Variants in STAC2 observed in about 807,000 individuals in gnomAD.
STAC2 encodes SH3 and cysteine rich domain 2, also known as SH3 and cysteine-rich domain-containing protein 2.
STAC2 carries 36 observed loss-of-function variants against 49.0 expected under a neutral mutation model. The observed-to-expected ratio is 0.74, with a 90% CI of 0.56 to 0.97. The LOEUF (loss-of-function observed/expected upper bound fraction) is 0.97, where lower values mean the gene tolerates loss of function less well. STAC2 is among the 50% of genes least tolerant of loss of function. The probability of loss-of-function intolerance (pLI) is 0.00; values close to 1 mark genes in which losing one functional copy is unlikely to be tolerated. For synonymous variants in STAC2, 239 were observed against 214.7 expected, an observed-to-expected ratio of 1.11 and a Z score of -0.99; for missense variants, 527 against 543.8, an observed-to-expected ratio of 0.97 and a Z score of 0.31.
chr17:39,214,532 C>T (rs576660952), intron 7 of STAC2: 2 of 896,996 alleles, frequency 2.2e-6, no homozygotes, highest in South Asian at 5.1e-5. Flanking sequence ...AGGGGAGCCC[C>T]CTTCTGCCTG....
At chr17:39,215,564 C>G (rs546194521) in intron 4 of STAC2, among the ~76,000 whole-genome samples, 1 of 152,358 alleles carries the variant, frequency 6.6e-6, no homozygotes, top group South Asian at 2.1e-4. Flanking sequence ...GGCCTTTCAA[C>G]TGGTCTCCCT....
rs745976868 is a variant in STAC2 at position 39,218,171 on chromosome 17, G to A, written c.93C>T (p.Leu31=). 6.2e-7 allele frequency: 1 copy of A among 1,613,210 alleles called. No individual in the cohort carries two copies. Among genetic ancestry groups the A allele is most frequent in the Non-Finnish European group, 8.5e-7 (1 of 1,180,018 alleles). Residue 31 remains leucine (L), a splice_region_variant and synonymous_variant, in exon 2 of 11, where the codon CTC becomes CTT. Transcript: ENST00000333461. ...GGGAGAGGGAGCGCTTGAATCGCTG[G>A]AGCTGGGAGAAAAAGAGGGAGCTGT... ...GTVSALQETK[L]QRFKRSLSLK...
In STAC2 at chr17:39,210,648, G is replaced by GC. The variant is rs966405362; in HGVS notation, c.*1643_*1644insG. The GC allele has an allele frequency of 7.0e-6, 1 of 142,014 alleles. No individual in the cohort carries two copies. The highest frequency in any genetic ancestry group is 2.9e-5 in the African/African-American group (1 of 34,430). The allele number at this position is 142,014 out of a possible 1,614,324, so 8.8% of individuals were successfully genotyped here. A position where few individuals can be genotyped will look rare whatever the true frequency, so the allele number is the denominator to read the frequency against. On this transcript the variant is annotated 3_prime_UTR_variant, in exon 11 of 11. Coordinates refer to ENST00000333461, the MANE Select transcript of STAC2 (RefSeq NM_198993.5). ...TGGGCCCGCCCCTGGGATATTGCTG[G>GC]GGGGGGGGGCCTCATGGCAGCAAAC...
chr17:39,217,276 GC>G, intron 2 of STAC2, 103 bp from the exon 3 acceptor site: 1 of 1,165,914 alleles, frequency 8.6e-7, no homozygotes, highest in Non-Finnish European at 1.2e-6. Context: ...GCATTCTCAT[GC>G]CAGCCTTGAG....
At chr17:39,221,890 G>A (rs1170709852) in intron 1 of STAC2, among the ~76,000 whole-genome samples, 1 of 152,228 alleles carries the variant, frequency 6.6e-6, no homozygotes, top group Non-Finnish European at 1.5e-5. Context: ...ACCTAGAGCA[G>A]TCCCCAACTC....
chr17:39,212,130 T>A lies in STAC2; in HGVS notation c.*162A>T, dbSNP rs1597729505. 2.7e-5 allele frequency: 4 copies of A among 145,894 alleles called. No homozygotes were observed. Among genetic ancestry groups the A allele is most frequent in the Non-Finnish European group, 5.3e-5 (4 of 75,838 alleles). The allele number at this position is 145,894 out of a possible 1,614,324, so 9.0% of individuals were successfully genotyped here. A position where few individuals can be genotyped will look rare whatever the true frequency, so the allele number is the denominator to read the frequency against. ...AGGGCACCCCACCCAAGAAATAAAA[T>A]CTTCCCCAGTACAAAAGGCTCCTAA... On this transcript the variant is annotated 3_prime_UTR_variant, in exon 11 of 11. Coordinates refer to ENST00000333461, the MANE Select transcript of STAC2 (RefSeq NM_198993.5).
intron 1 of STAC2, among the ~76,000 whole-genome samples, chr17:39,220,471 G>A (rs2144254814): frequency 7.2e-6 from 1 of 139,620 alleles, no homozygotes; most frequent in African/African-American, 2.7e-5. Flanking sequence ...CAAGAGGGAA[G>A]CCTAGATACT....
intron 1 of STAC2, among the ~76,000 whole-genome samples, chr17:39,223,952 C>T (rs191220953): frequency 1.3e-5 from 2 of 152,252 alleles, no homozygotes; most frequent in Admixed American, 1.3e-4. Context: ...GGGGAGTCAG[C>T]TCTGGCCTCA....
chr17:39,225,535 A>G lies in STAC2; in HGVS notation c.-33T>C. On this transcript the variant is annotated 5_prime_UTR_variant, in exon 1 of 11. Coordinates refer to ENST00000333461, the MANE Select transcript of STAC2 (RefSeq NM_198993.5). This position sits in a 1 kb window ranked among gnomAD's most constrained non-coding sequence, Gnocchi z 8.2. ...GGAGAGGGGAGGAGAGGGTGCCGAG[A>G]TCCGACGGCAGGCCCACCGCGGGCA... is the stretch of plus-strand genomic sequence containing the variant. 6.3e-7 allele frequency: 1 copy of G among 1,597,916 alleles called. No homozygotes were observed. The highest frequency in any genetic ancestry group is 8.5e-7 in the Non-Finnish European group (1 of 1,170,800).
rs1455480397 is a variant in STAC2, at chr17:39,214,861, G to A, written c.773C>T (p.Ala258Val). The A allele has an allele frequency of 1.9e-6, 3 of 1,614,066 alleles. No individual in the cohort carries two copies. Among genetic ancestry groups the A allele is most frequent in the Middle Eastern group, 1.6e-4 (1 of 6,062 alleles). Residue 258 changes from alanine (A) to valine (V), a missense_variant and splice_region_variant, in exon 7 of 11, where the codon GCA (alanine) becomes GTA (valine). Physicochemically the swap from Ala to Val is moderately conservative, Grantham distance 64 (BLOSUM62 0). Transcript: ENST00000333461. ...TGCTGGGGCTGTGAATACTGGAGAT[G>A]CTAGGGGCAGGAGAGGGAAAGGGTG... ...RSSEEGPGDSASPVFTAPAES... is the reference protein window; with the variant it reads ...RSSEEGPGDSVSPVFTAPAES...
intron 1 of STAC2, among the ~76,000 whole-genome samples, chr17:39,219,051 C>T (rs1440986250): frequency 6.6e-6 from 1 of 152,138 alleles, no homozygotes; most frequent in Non-Finnish European, 1.5e-5. Flanking sequence ...AAGGCCACAG[C>T]CTCCCCTCCA....
chr17:39,215,092 A>G (rs747307128), intron 5 of STAC2, 26 bp downstream of exon 5: 2 of 1,613,764 alleles, frequency 1.2e-6, no homozygotes, highest in African/African-American at 1.3e-5. Flanking sequence ...CCTCCCCAAA[A>G]GACCCCCCCT....
chr17:39,213,029 T>C lies in STAC2; in HGVS notation c.1097A>G (p.Lys366Arg). The C allele has an allele frequency of 6.2e-7, 1 of 1,614,022 alleles. No homozygotes were observed. Among genetic ancestry groups the C allele is most frequent in the Non-Finnish European group, 8.5e-7 (1 of 1,180,040 alleles). ...WRCCQPFSGN[K>R]EQGYMSLKEN... ...CTTGAGGCTCATGTAACCCTGTTCC[T>C]TGTTCCCGGAGAAGGGTTGGCAGCA... The change falls in exon 10 of 11, where the codon AAG becomes AGG. Residue 366 changes from lysine to arginine, a missense_variant. Lys to Arg is a conservative substitution (Grantham distance 26, BLOSUM62 2). Transcript: ENST00000333461.
In STAC2 at chr17:39,212,296, A is replaced by G; in HGVS notation, c.1232T>C (p.Ile411Thr). Residue 411 changes from isoleucine to threonine, a missense_variant, in exon 11 of 11, where the codon ATC (isoleucine) becomes ACC (threonine). Coordinates refer to ENST00000333461, the MANE Select transcript of STAC2 (RefSeq NM_198993.5). ...TCTGGGTTCCCTTGGCTCCTCTCAG[A>G]TCTCAGTCAGGGCGTCGACTGGCAC... ...GLVPVDALTE[I>T] The G allele has an allele frequency of 6.2e-7, 1 of 1,607,790 alleles. No homozygotes were observed. Among genetic ancestry groups the G allele is most frequent in the Non-Finnish European group, 8.5e-7 (1 of 1,176,640 alleles).
intron 1 of STAC2, among the ~76,000 whole-genome samples, chr17:39,222,332 C>T (rs573763347): frequency 1.3e-5 from 2 of 152,324 alleles, no homozygotes; most frequent in South Asian, 4.1e-4. Flanking sequence ...ACCAGGGCAG[C>T]CCCGACTCTG....
At position 39,225,561 on chromosome 17, in the gene STAC2, G is replaced by A; in HGVS notation, c.-59C>T. On this transcript the variant is annotated 5_prime_UTR_variant, in exon 1 of 11. Coordinates refer to ENST00000333461, the MANE Select transcript of STAC2 (RefSeq NM_198993.5). The surrounding 1 kb of genome is among the most constrained non-coding windows in gnomAD (Gnocchi z 8.2). ...TCCGACGGCAGGCCCACCGCGGGCA[G>A]GCTGCGGGTGGCGGGCGTCTCCGGG... 1 of 1,530,794 alleles carries A rather than the reference G, an allele frequency of 6.5e-7. No individual in the cohort carries two copies. The highest frequency in any genetic ancestry group is 9.0e-7 in the Non-Finnish European group (1 of 1,114,938). The allele number at this position is 1,530,794 out of a possible 1,614,324, so 94.8% of individuals were successfully genotyped here.
Position 39,225,612 on chromosome 17 carries a change from G to GC in STAC2, c.-111dup. 1 of 1,061,026 alleles carries GC rather than the reference G, an allele frequency of 9.4e-7. No individual in the cohort carries two copies. The highest frequency in any genetic ancestry group is 1.4e-6 in the Non-Finnish European group (1 of 713,716). The allele number at this position is 1,061,026 out of a possible 1,614,324, so 65.7% of individuals were successfully genotyped here. On this transcript the variant is annotated 5_prime_UTR_variant, in exon 1 of 11. Transcript: ENST00000333461. This position sits in a 1 kb window ranked among gnomAD's most constrained non-coding sequence, Gnocchi z 8.2. ...ACTCTGAAGCCGTTCTCCAGAGGCT[G>GC]CCCCCAGTTAGCCCCCGGCACGGCA...
Position 39,225,537 on chromosome 17 carries a change from C to A in STAC2, c.-35G>T, listed in dbSNP as rs1238139557. 6.3e-7 allele frequency: 1 copy of A among 1,596,004 alleles called. No individual in the cohort carries two copies. Reference sequence around the variant, plus strand: ...AGAGGGGAGGAGAGGGTGCCGAGATCCGACGGCAGGCCCACCGCGGGCAGG... The same window carrying A: ...AGAGGGGAGGAGAGGGTGCCGAGATACGACGGCAGGCCCACCGCGGGCAGG... On this transcript the variant is annotated 5_prime_UTR_variant, in exon 1 of 11. Transcript: ENST00000333461. This position sits in a 1 kb window ranked among gnomAD's most constrained non-coding sequence, Gnocchi z 8.2.
chr17:39,215,271 GC>G, intron 4 of STAC2, 41 bp from the exon 5 acceptor site: 2 of 1,601,688 alleles, frequency 1.2e-6, no homozygotes, highest in East Asian at 4.5e-5. Flanking sequence ...CTGCCTCAAA[GC>G]CCTGCATCTC....
Sources: gnomAD v4.1 joint callset for allele counts (sites outside exome capture counted in the v4.1 genomes callset) on GRCh38, gnomAD v4.1.1 for gene constraint, Gnocchi (gnomAD v3.1) non-coding constraint, MANE v1.5 for transcripts, NCBI Gene and HGNC (gene_info 2026-07-23, HGNC 2026-07-21) for gene names.